STYXL1: variants seen among roughly 807,000 people sequenced by gnomAD.
STYXL1 encodes the protein serine/threonine/tyrosine-interacting-like protein 1.
STYXL1 carries 32 observed loss-of-function variants against 36.4 expected under a neutral mutation model. That is an observed-to-expected ratio of 0.88 (90% CI 0.66 to 1.18). The LOEUF (loss-of-function observed/expected upper bound fraction) is 1.18. Among genes scored for constraint, STYXL1 ranks in the 50% most tolerant of loss-of-function variants. The pLI is 0.00. For synonymous variants in STYXL1, 133 were observed against 144.1 expected, an observed-to-expected ratio of 0.92 and a Z score of 0.55; for missense variants, 354 against 394.1, an observed-to-expected ratio of 0.90 and a Z score of 0.86.
intron 1 of STYXL1, among the ~76,000 whole-genome samples, chr7:76,042,162 C>T (rs1355860016): frequency 6.6e-6 from 1 of 152,142 alleles, no homozygotes; most frequent in African/African-American, 2.4e-5. Context: ...CTTGGGCACA[C>T]AGCAAGTACA....
At chr7:76,038,422 A>ATTCTTTT (rs35261977) in intron 1 of STYXL1, among the ~76,000 whole-genome samples, 2 of 132,240 alleles carry the variant, frequency 1.5e-5, no homozygotes, top group Non-Finnish European at 3.3e-5. Flanking sequence ...ATTGAATGAC[A>ATTCTTTT]TTTTTTTTTT....
At chr7:76,019,464 AT>A (rs573608881) in intron 4 of STYXL1, among the ~76,000 whole-genome samples, 60 of 145,422 alleles carry the variant, frequency 4.1e-4, no homozygotes, top group East Asian at 8.0e-4. Flanking sequence ...GCCTGGCTAA[AT>A]TTTTTTTTTT....
intron 3 of STYXL1, among the ~76,000 whole-genome samples, chr7:76,027,915 G>A (rs779436078): frequency 2.1e-4 from 32 of 152,034 alleles, no homozygotes; most frequent in Non-Finnish European, 3.5e-4. Flanking sequence ...AGCAGCCTGG[G>A]CAACACAGTG....
At chr7:76,008,716 C>T (rs1416474831) in intron 5 of STYXL1, among the ~76,000 whole-genome samples, 11 of 152,086 alleles carry the variant, frequency 7.2e-5, no homozygotes, top group Admixed American at 3.3e-4. Context: ...TTAAAAATCT[C>T]GCTAAAAGGC....
intron 5 of STYXL1, among the ~76,000 whole-genome samples, chr7:76,007,005 G>C (rs898435220): frequency 2.0e-5 from 3 of 152,126 alleles, no homozygotes; most frequent in African/African-American, 7.2e-5. Flanking sequence ...ATTCATGGTT[G>C]CATCTGTACA....
Position 76,021,929 on chromosome 7 carries a change from A to G in STYXL1, c.229T>C (p.Tyr77His), listed in dbSNP as rs1554576368. 3 of 1,613,538 alleles carry G rather than the reference A, an allele frequency of 1.9e-6. No homozygotes were observed. Residue 77 changes from tyrosine (Y) to histidine (H), a missense_variant, in exon 4 of 9, where the codon TAT (tyrosine) becomes CAT (histidine). Coordinates refer to ENST00000359697, the MANE Select transcript of STYXL1 (RefSeq NM_001317785.2). ...DLECVKYCVV[Y>H]DNNSSTLEIL... ...TCCAGGGTGCTGCTGTTGTTATCAT[A>G]CACCACGCAGTACTTCACACACTCC...
In STYXL1 at chr7:76,047,714, T is replaced by G; in HGVS notation, c.-57A>C. On this transcript the variant is annotated 5_prime_UTR_variant, in exon 1 of 9. Coordinates refer to ENST00000359697, the MANE Select transcript of STYXL1 (RefSeq NM_001317785.2). Reference sequence around the variant, plus strand: ...CCTCCAAGGGCAGAAGGAATGGGTTTGGCTGAGGTCGGGGGCTCGGGTCTG... The same window carrying G: ...CCTCCAAGGGCAGAAGGAATGGGTTGGGCTGAGGTCGGGGGCTCGGGTCTG... 4.2e-6 allele frequency: 1 copy of G among 238,796 alleles called. No individual in the cohort carries two copies. The highest frequency in any genetic ancestry group is 4.3e-5 in the South Asian group (1 of 23,128). The allele number at this position is 238,796 out of a possible 1,614,324, so 14.8% of individuals were successfully genotyped here.
At chr7:76,008,444 AC>A (rs1792097889) in intron 5 of STYXL1, among the ~76,000 whole-genome samples, 1 of 152,090 alleles carries the variant, frequency 6.6e-6, no homozygotes, top group Admixed American at 6.6e-5. Flanking sequence ...CTTCAGAGCC[AC>A]CTGAACTCAG....
chr7:75,996,391 TAC>T lies in STYXL1; in HGVS notation c.*75_*76del, dbSNP rs781783486. 1.6e-5 allele frequency: 26 copies of T among 1,612,502 alleles called. No individual in the cohort carries two copies. The Admixed American group carries it at 4.2e-4, about 26-fold the overall frequency. ...TTCTCCTTCCAGACAAGCCTGGGTA[TAC>T]ACACTCTGGCCCTCCACCCACAAAA... On this transcript the variant is annotated 3_prime_UTR_variant, in exon 9 of 9. Transcript: ENST00000359697.
At chr7:76,035,069 C>T (rs1241948696) in intron 1 of STYXL1, among the ~76,000 whole-genome samples, 4 of 133,510 alleles carry the variant, frequency 3.0e-5, no homozygotes, top group African/African-American at 7.8e-5. Context: ...TCAACAGCAC[C>T]ATGATCCACC....
intron 1 of STYXL1, among the ~76,000 whole-genome samples, chr7:76,043,252 C>T (rs1796646678): frequency 6.6e-6 from 1 of 152,154 alleles, no homozygotes; most frequent in Non-Finnish European, 1.5e-5. Context: ...AGCAATTCTC[C>T]TGTCTCAGCC....
intron 3 of STYXL1, among the ~76,000 whole-genome samples, chr7:76,023,962 G>C (rs893066167): frequency 1.3e-5 from 2 of 152,062 alleles, no homozygotes; most frequent in Non-Finnish European, 2.9e-5. Context: ...GCAGTGAGCC[G>C]AGATCGCGTC....
At chr7:76,033,665 C>G (rs910717474) in intron 1 of STYXL1, among the ~76,000 whole-genome samples, 1 of 152,196 alleles carries the variant, frequency 6.6e-6, no homozygotes, top group Admixed American at 6.5e-5. Context: ...CTCAGCACCC[C>G]CTCCACAGCA....
At chr7:76,043,286 C>T (rs530500025) in intron 1 of STYXL1, among the ~76,000 whole-genome samples, 106 of 152,102 alleles carry the variant, frequency 7.0e-4, no homozygotes, top group African/African-American at 2.3e-3. Context: ...GGATTACAGG[C>T]GCCCGCCACC....
intron 8 of STYXL1, among the ~76,000 whole-genome samples, chr7:75,997,055 T>C (rs1253378540): frequency 1.3e-5 from 2 of 152,190 alleles, no homozygotes; most frequent in Admixed American, 6.5e-5. Context: ...TGTTGCTGCA[T>C]GAAGGAGGGT....
chr7:76,003,702 C>A lies in STYXL1; in HGVS notation c.697+56G>T. 3 of 1,500,420 alleles carry A rather than the reference C, an allele frequency of 2.0e-6. No individual in the cohort carries two copies. The Admixed American group carries it at 5.0e-5, about 25-fold the overall frequency. The allele number at this position is 1,500,420 out of a possible 1,614,324, so 92.9% of individuals were successfully genotyped here. On this transcript the variant is annotated intron_variant, in intron 7 of 8. Transcript: ENST00000359697. ...TAAGCCTGTGAAGGAGGCTCCACTG[C>A]CCCTCTGCTTCCCAGACACAGGCCA... is the stretch of plus-strand genomic sequence containing the variant.
chr7:76,045,021 A>C (rs1257676271), intron 1 of STYXL1: 3 of 152,224 alleles, frequency 2.0e-5, no homozygotes, highest in African/African-American at 7.2e-5. Context: ...ACAACTCAGC[A>C]TAACTCCCAA....
intron 4 of STYXL1, among the ~76,000 whole-genome samples, chr7:76,021,063 A>C (rs1168604474): frequency 6.6e-6 from 1 of 151,590 alleles, no homozygotes; most frequent in Non-Finnish European, 1.5e-5. Context: ...AGAATCACAT[A>C]AGACCCTGTT....
At chr7:76,014,414 C>T (rs939207995) in intron 4 of STYXL1, among the ~76,000 whole-genome samples, 1 of 151,754 alleles carries the variant, frequency 6.6e-6, no homozygotes, top group Non-Finnish European at 1.5e-5. Flanking sequence ...TGCAGTGGTA[C>T]AATCTCGGCT....
Sources: allele counts gnomAD v4.1 joint callset (sites outside exome capture counted in the v4.1 genomes callset), GRCh38; gene constraint gnomAD v4.1.1; transcripts MANE v1.5; gene names NCBI Gene and HGNC (gene_info 2026-07-23, HGNC 2026-07-21).